The following ERBB4 variants were observed in gnomAD, a reference collection of about 807,000 sequenced individuals.
The protein encoded by ERBB4 is erb-b2 receptor tyrosine kinase 4.
A neutral mutation model predicts 158.0 loss-of-function variants in ERBB4; 42 were observed. That is an observed-to-expected ratio of 0.27 (90% CI 0.21 to 0.34). The LOEUF (loss-of-function observed/expected upper bound fraction) is 0.34, where lower values mean the gene tolerates loss of function less well. Among genes scored for constraint, ERBB4 ranks in the 10% least tolerant of loss-of-function variants. The pLI, the probability that ERBB4 is intolerant of heterozygous loss-of-function variation, is 1.00. For missense variants in ERBB4, 1,333 were observed against 1,624.1 expected (o/e 0.82, Z 3.08); for synonymous variants, 583 against 558.7 (o/e 1.04, Z -0.61).
chr2:211,968,759 T>C (rs926902053), intron 2 of ERBB4, among the ~76,000 whole-genome samples: 1 of 152,018 alleles, frequency 6.6e-6, no homozygotes, highest in Non-Finnish European at 1.5e-5. Flanking sequence ...TTCTTCTTTT[T>C]TATTTCAGCC....
At chr2:212,115,131 T>A (rs1363343242) in intron 2 of ERBB4, among the ~76,000 whole-genome samples, 1 of 152,154 alleles carries the variant, frequency 6.6e-6, no homozygotes, top group Non-Finnish European at 1.5e-5. Context: ...ACCACATTCA[T>A]TATAAATTTT....
intron 1 of ERBB4, among the ~76,000 whole-genome samples, chr2:212,240,854 C>T (rs2084076154): frequency 1.3e-5 from 2 of 151,844 alleles, no homozygotes; most frequent in South Asian, 2.1e-4. Flanking sequence ...TGTTAAAAGC[C>T]TTCCATGTCT....
At chr2:212,021,277 G>C (rs1350353344) in intron 2 of ERBB4, among the ~76,000 whole-genome samples, 1 of 152,010 alleles carries the variant, frequency 6.6e-6, no homozygotes, top group Non-Finnish European at 1.5e-5. Flanking sequence ...GATTCCAATG[G>C]CACTCAAAAG....
At chr2:212,293,537 A>G (rs1281727905) in intron 1 of ERBB4, among the ~76,000 whole-genome samples, 1 of 152,046 alleles carries the variant, frequency 6.6e-6, no homozygotes, top group Non-Finnish European at 1.5e-5. Flanking sequence ...AACATTAACT[A>G]ATGCAGTTGA....
intron 1 of ERBB4, among the ~76,000 whole-genome samples, chr2:212,174,397 A>G (rs969141703): frequency 8.5e-5 from 13 of 152,124 alleles, no homozygotes; most frequent in African/African-American, 3.1e-4. Context: ...CTACAAGTTA[A>G]GATACATACA....
chr2:211,414,726 C>T (rs1015129375), intron 25 of ERBB4, among the ~76,000 whole-genome samples: 2 of 152,042 alleles, frequency 1.3e-5, no homozygotes, highest in African/African-American at 4.8e-5. Context: ...AGATGTTTAA[C>T]AGCAACTTGA....
intron 20 of ERBB4, among the ~76,000 whole-genome samples, chr2:211,499,003 C>A (rs1173376847): frequency 1.3e-5 from 2 of 152,128 alleles, no homozygotes; most frequent in Non-Finnish European, 2.9e-5. Context: ...AGACAGTAGC[C>A]TCACCTGTTA....
chr2:212,438,406 C>G (rs2092184067), intron 1 of ERBB4, among the ~76,000 whole-genome samples: 1 of 152,006 alleles, frequency 6.6e-6, no homozygotes, highest in Non-Finnish European at 1.5e-5. Flanking sequence ...GAACAAATAT[C>G]GATCATTTCC....
rs548780038 is a variant in ERBB4 at position 212,316,096 on chromosome 2, A to G, written c.83-191193T>C. Among the ~76,000 whole-genome samples, 16 of 151,654 alleles carry G rather than the reference A, an allele frequency of 1.1e-4. No homozygotes were observed. In the South Asian group the frequency reaches 2.3e-3, roughly 22 times the overall value. ...ATAAATAGCATGCTCATGGCTTTAA[A>G]TAAAACAATTATCCCTGAGAAAACT... On this transcript the variant is annotated intron_variant, in intron 1 of 27. Transcript: ENST00000342788.
At chr2:211,905,964 C>A (rs1039868480) in intron 3 of ERBB4, among the ~76,000 whole-genome samples, 1 of 151,354 alleles carries the variant, frequency 6.6e-6, no homozygotes, top group African/African-American at 2.4e-5. Context: ...GACAGTATGG[C>A]TGGAATGCAG....
At chr2:211,831,867 C>A (rs1190424135) in intron 3 of ERBB4, among the ~76,000 whole-genome samples, 1 of 151,902 alleles carries the variant, frequency 6.6e-6, no homozygotes, top group Admixed American at 6.6e-5. Flanking sequence ...CGCGCCATTG[C>A]ACTCCAACCT....
chr2:212,447,325 A>G (rs2106005761), intron 1 of ERBB4, among the ~76,000 whole-genome samples: 1 of 152,268 alleles, frequency 6.6e-6, no homozygotes, highest in Middle Eastern at 3.4e-3. Context: ...AGGTGAAAAA[A>G]TACATTCCAC....
rs146801938 is a variant in ERBB4, at chr2:212,436,646, G to A, written c.82+101803C>T. Among the ~76,000 whole-genome samples, 1,402 of 151,952 alleles carry A rather than the reference G, an allele frequency of 9.2e-3. 20 individuals carry two copies. Among genetic ancestry groups the A allele is most frequent in the African/African-American group, 0.032 (1,344 of 41,464 alleles). On this transcript the variant is annotated intron_variant, in intron 1 of 27. Transcript: ENST00000342788. ...ATATTATTTGCCATTTTTGACACAT[G>A]GGAAGAAAATATATAAATGAATTCT...
At chr2:211,824,900 A>C (rs1286706436) in intron 3 of ERBB4, among the ~76,000 whole-genome samples, 1 of 152,004 alleles carries the variant, frequency 6.6e-6, no homozygotes, top group East Asian at 1.9e-4. Context: ...AATTTTTAGC[A>C]AGACACATAT....
chr2:211,399,418 C>T (rs576644782), intron 25 of ERBB4, among the ~76,000 whole-genome samples: 12 of 152,274 alleles, frequency 7.9e-5, no homozygotes, highest in South Asian at 2.1e-4. Flanking sequence ...ATCTCAGTGA[C>T]TCCATCAAGC....
At chr2:212,303,865 A>T (rs905688898) in intron 1 of ERBB4, among the ~76,000 whole-genome samples, 2 of 151,552 alleles carry the variant, frequency 1.3e-5, no homozygotes, top group East Asian at 3.9e-4. Context: ...GGGAAGAAGA[A>T]ATATCTTTTG....
chr2:212,067,224 A>G (rs529426391), intron 2 of ERBB4, among the ~76,000 whole-genome samples: 62 of 152,136 alleles, frequency 4.1e-4, no homozygotes, highest in Non-Finnish European at 6.9e-4. Context: ...GCATAAGTTC[A>G]GTAAGAAATT....
chr2:212,435,251 C>T (rs879755218), intron 1 of ERBB4, among the ~76,000 whole-genome samples: 3 of 151,942 alleles, frequency 2.0e-5, no homozygotes, highest in Non-Finnish European at 4.4e-5. Context: ...CAGGAGAAAC[C>T]TTCTCCAGGC....
intron 25 of ERBB4, among the ~76,000 whole-genome samples, chr2:211,395,347 T>G (rs189891887): frequency 2.0e-5 from 3 of 152,208 alleles, no homozygotes; most frequent in African/African-American, 7.2e-5. Context: ...GAGGTTAATT[T>G]TCCAAGGTAA....
Sources: gnomAD v4.1 joint callset for allele counts (sites outside exome capture counted in the v4.1 genomes callset) on GRCh38, gnomAD v4.1.1 for gene constraint, MANE v1.5 for transcripts, NCBI Gene and HGNC (gene_info 2026-07-23, HGNC 2026-07-21) for gene names.